The following MAPK10 variants were observed in gnomAD, a reference collection of about 807,000 sequenced individuals.
MAPK10 encodes the protein mitogen-activated protein kinase 10.
A neutral mutation model predicts 59.3 loss-of-function variants in MAPK10; 25 were observed. The ratio of observed to expected loss-of-function variants is 0.42; its 90% confidence interval spans 0.31 to 0.59. The LOEUF (loss-of-function observed/expected upper bound fraction) is 0.59, where lower values mean the gene tolerates loss of function less well. MAPK10 is among the 20% of genes least tolerant of loss of function. The pLI, the probability that MAPK10 is intolerant of heterozygous loss-of-function variation, is 0.15. For missense variants in MAPK10, 351 were observed against 568.9 expected (o/e 0.62, Z 3.90); for synonymous variants, 190 against 200.5 (o/e 0.95, Z 0.44).
At chr4:86,493,921 A>G (rs1444419259) in intron 1 of MAPK10, among the ~76,000 whole-genome samples, 1 of 152,122 alleles carries the variant, frequency 6.6e-6, no homozygotes, top group Non-Finnish European at 1.5e-5. Context: ...CCTACCCCAC[A>G]TGATTTCCAC....
intron 2 of MAPK10, among the ~76,000 whole-genome samples, chr4:86,287,854 G>A (rs1178657951): frequency 6.6e-6 from 1 of 152,094 alleles, no homozygotes; most frequent in Non-Finnish European, 1.5e-5. Context: ...ATAAAAGTGT[G>A]ACTTACTGAC....
chr4:86,445,443 A>T (rs1269372857), intron 1 of MAPK10, among the ~76,000 whole-genome samples: 1 of 152,162 alleles, frequency 6.6e-6, no homozygotes, highest in Admixed American at 6.5e-5. Flanking sequence ...AGCAGGAAAA[A>T]TAGCTAATGC....
intron 1 of MAPK10, among the ~76,000 whole-genome samples, chr4:86,426,021 G>A (rs1175925789): frequency 6.6e-6 from 1 of 152,036 alleles, no homozygotes; most frequent in Non-Finnish European, 1.5e-5. Context: ...GCTATGCTAA[G>A]GATTCTCTCA....
intron 3 of MAPK10, among the ~76,000 whole-genome samples, chr4:86,178,213 G>GTT (rs574327214): frequency 1.3e-5 from 2 of 151,456 alleles, no homozygotes; most frequent in Non-Finnish European, 2.9e-5. Context: ...TTTAATCATA[G>GTT]TTTTTTTGTT....
intron 2 of MAPK10, among the ~76,000 whole-genome samples, chr4:86,248,797 C>A (rs1433367137): frequency 1.3e-5 from 2 of 152,126 alleles, no homozygotes; most frequent in African/African-American, 4.8e-5. Flanking sequence ...GCAGTAATAT[C>A]ATTATTTCTG....
intron 1 of MAPK10, among the ~76,000 whole-genome samples, chr4:86,476,436 G>A (rs914605807): frequency 6.6e-6 from 1 of 152,040 alleles, no homozygotes; most frequent in African/African-American, 2.4e-5. Context: ...TTCTTTATCT[G>A]ACATCTCCCA....
At chr4:86,124,025 T>C (rs1383588843) in intron 4 of MAPK10, 1 of 152,074 alleles carries the variant, frequency 6.6e-6, no homozygotes, top group Non-Finnish European at 1.5e-5. Context: ...GGTCATTCTA[T>C]CAAAGTTTAA....
chr4:86,181,283 T>C (rs753888594), intron 3 of MAPK10, among the ~76,000 whole-genome samples: 2 of 152,078 alleles, frequency 1.3e-5, no homozygotes, highest in Non-Finnish European at 2.9e-5. Flanking sequence ...AAAGGAGTTT[T>C]TGTGTCATAA....
intron 3 of MAPK10, among the ~76,000 whole-genome samples, chr4:86,180,859 T>C (rs745488061): frequency 3.3e-5 from 5 of 151,562 alleles, no homozygotes; most frequent in Admixed American, 6.6e-5. Context: ...TGGGTAAGGG[T>C]TGGGGGAAAA....
intron 1 of MAPK10, among the ~76,000 whole-genome samples, chr4:86,571,373 T>C (rs1206271947): frequency 6.7e-6 from 1 of 149,728 alleles, no homozygotes; most frequent in Non-Finnish European, 1.5e-5. Context: ...CAGTAAAAGA[T>C]AGTGAATAGA....
intron 1 of MAPK10, among the ~76,000 whole-genome samples, chr4:86,507,498 C>A (rs1336800647): frequency 6.7e-6 from 1 of 150,314 alleles, no homozygotes; most frequent in Non-Finnish European, 1.5e-5. Context: ...TAGAGAAATA[C>A]CCATGTGCAC....
chr4:86,208,439 G>A (rs190467683), intron 2 of MAPK10, among the ~76,000 whole-genome samples: 15 of 148,114 alleles, frequency 1.0e-4, no homozygotes, highest in South Asian at 4.2e-4. Flanking sequence ...TTCAATATAC[G>A]CAAGTCAATA....
chr4:86,258,619 C>T (rs1321259311), intron 2 of MAPK10, among the ~76,000 whole-genome samples: 6 of 152,152 alleles, frequency 3.9e-5, no homozygotes. Flanking sequence ...TGCCCTTTAT[C>T]CCACTCCAGC....
intron 9 of MAPK10, among the ~76,000 whole-genome samples, chr4:86,076,668 A>G (rs893062941): frequency 2.6e-5 from 4 of 152,178 alleles, no homozygotes; most frequent in Non-Finnish European, 4.4e-5. Flanking sequence ...CTGTAAAACA[A>G]TTAATTTTAT....
At chr4:86,579,469 C>T (rs1424358251) in intron 1 of MAPK10, among the ~76,000 whole-genome samples, 6 of 151,652 alleles carry the variant, frequency 4.0e-5, no homozygotes, top group Non-Finnish European at 8.8e-5. Context: ...AGTCTGAATC[C>T]TCTCAGTAAT....
At chr4:86,485,524 A>C (rs1753922169) in intron 1 of MAPK10, among the ~76,000 whole-genome samples, 1 of 152,204 alleles carries the variant, frequency 6.6e-6, no homozygotes, top group South Asian at 2.1e-4. Flanking sequence ...ATGAATTGTG[A>C]AAGAATGAAT....
intron 1 of MAPK10, among the ~76,000 whole-genome samples, chr4:86,469,564 A>AT (rs1752499011): frequency 6.6e-6 from 1 of 152,220 alleles, no homozygotes; most frequent in Admixed American, 6.5e-5. Flanking sequence ...AGATTTTCCA[A>AT]TTGCCAATAC....
chr4:86,150,008 A>AC (rs1421459119), intron 4 of MAPK10, among the ~76,000 whole-genome samples: 1 of 152,108 alleles, frequency 6.6e-6, no homozygotes, highest in Non-Finnish European at 1.5e-5. Context: ...GTAAAAAAAA[A>AC]CGGGAGCCAA....
At chr4:86,126,022 T>C (rs115871745) in intron 4 of MAPK10, 308 of 152,200 alleles carry the variant, frequency 2.0e-3, no homozygotes, top group African/African-American at 7.1e-3. Context: ...ATAATTACGA[T>C]AGAAATAAAC....
Sources: allele counts gnomAD v4.1 joint callset (sites outside exome capture counted in the v4.1 genomes callset), GRCh38; gene constraint gnomAD v4.1.1; transcripts MANE v1.5; gene names NCBI Gene and HGNC (gene_info 2026-07-23, HGNC 2026-07-21).